The following GABBR2 variants were observed in gnomAD, a reference collection of about 807,000 sequenced individuals.
GABBR2 encodes G-protein coupled receptor 51.
A neutral mutation model predicts 105.6 loss-of-function variants in GABBR2; 23 were observed. The observed-to-expected ratio is 0.22, with a 90% CI of 0.16 to 0.31. GABBR2 has a LOEUF of 0.31. GABBR2 is among the 10% of genes least tolerant of loss of function. The pLI, the probability that GABBR2 is intolerant of heterozygous loss-of-function variation, is 1.00. For missense variants in GABBR2, 734 were observed against 1,245.5 expected (o/e 0.59, Z 6.18); for synonymous variants, 478 against 499.7 (o/e 0.96, Z 0.58).
intron 1 of GABBR2, among the ~76,000 whole-genome samples, chr9:98,598,569 A>G (rs920055152): frequency 2.7e-5 from 4 of 147,904 alleles, no homozygotes; most frequent in African/African-American, 9.9e-5. Context: ...AAAACTTCAC[A>G]TAGGAAAGAA....
At chr9:98,632,209 G>A (rs952398257) in intron 1 of GABBR2, among the ~76,000 whole-genome samples, 2 of 152,196 alleles carry the variant, frequency 1.3e-5, no homozygotes, top group African/African-American at 4.8e-5. Flanking sequence ...AAGGGTCACG[G>A]TGAGTTATAG....
intron 4 of GABBR2, among the ~76,000 whole-genome samples, chr9:98,487,196 G>A (rs576951030): frequency 1.3e-5 from 2 of 152,196 alleles, no homozygotes; most frequent in African/African-American, 4.8e-5. Context: ...CCTGGCCTGT[G>A]AGAAAGATGC....
Position 98,577,986 on chromosome 9 carries a change from T to C in GABBR2, c.408A>G (p.Pro136=). 6.2e-7 allele frequency: 1 copy of C among 1,614,056 alleles called. No homozygotes were observed. Among genetic ancestry groups the C allele is most frequent in the South Asian group, 1.1e-5 (1 of 91,072 alleles). Residue 136 remains proline, a synonymous_variant, in exon 2 of 19, where the codon CCA becomes CCG. Coordinates refer to ENST00000259455, the MANE Select transcript of GABBR2 (RefSeq NM_005458.8). ...ACTCTGCAATGATGGATGTGACGGA[T>C]GGACAGACGCCTCCAAACACCATCA... ...NHLMVFGGVC[P]SVTSIIAESL... is the part of the protein sequence containing the mutation.
chr9:98,665,850 G>A (rs922198835), intron 1 of GABBR2, among the ~76,000 whole-genome samples: 1 of 152,270 alleles, frequency 6.6e-6, no homozygotes, highest in Non-Finnish European at 1.5e-5. Context: ...GATGCGACCA[G>A]CCACTTGGAG....
intron 2 of GABBR2, among the ~76,000 whole-genome samples, chr9:98,566,786 G>T (rs1011744987): frequency 1.7e-4 from 19 of 108,938 alleles, no homozygotes; most frequent in African/African-American, 6.1e-4. Context: ...GGTCAAGGCT[G>T]CAAGACACTG....
chr9:98,543,135 TTTAA>T (rs1828336061), intron 2 of GABBR2, among the ~76,000 whole-genome samples: 1 of 152,104 alleles, frequency 6.6e-6, no homozygotes, highest in Non-Finnish European at 1.5e-5. Context: ...TAAGTTGGAT[TTTAA>T]TTGTCTGTTC....
At chr9:98,462,804 G>C (rs1826448882) in intron 6 of GABBR2, among the ~76,000 whole-genome samples, 1 of 152,160 alleles carries the variant, frequency 6.6e-6, no homozygotes, top group African/African-American at 2.4e-5. Context: ...CCCCAAGTAT[G>C]CACCCAATAG....
intron 3 of GABBR2, among the ~76,000 whole-genome samples, chr9:98,532,628 G>T (rs1184065826): frequency 1.3e-5 from 2 of 152,118 alleles, no homozygotes; most frequent in Non-Finnish European, 2.9e-5. Flanking sequence ...CCTGAAGGCT[G>T]CCCATTCCTT....
chr9:98,417,078 G>C (rs1404616515), intron 7 of GABBR2, among the ~76,000 whole-genome samples: 2 of 152,196 alleles, frequency 1.3e-5, no homozygotes, highest in African/African-American at 4.8e-5. Context: ...CCTCCTGCTG[G>C]ATGAAGCTTC....
chr9:98,372,353 C>A (rs2131464394), intron 11 of GABBR2, among the ~76,000 whole-genome samples: 1 of 152,336 alleles, frequency 6.6e-6, no homozygotes, highest in East Asian at 1.9e-4. Context: ...TCCAGGTGGG[C>A]CCCACATCAT....
rs10481694 is a variant in GABBR2, at chr9:98,668,350, T to A, written c.321+40067A>T. Among the ~76,000 whole-genome samples, 10 of 152,218 alleles carry A rather than the reference T, an allele frequency of 6.6e-5. No individual in the cohort carries two copies. In the South Asian group the frequency reaches 1.5e-3, roughly 22 times the overall value. On this transcript the variant is annotated intron_variant, in intron 1 of 18. Coordinates refer to ENST00000259455, the MANE Select transcript of GABBR2 (RefSeq NM_005458.8). ...CTTGGTATCATGCTTAGGCAAGCCCTGCAGCGTCCAATGGTTATATCAGTA... is the reference window on the plus strand; with the variant it reads ...CTTGGTATCATGCTTAGGCAAGCCCAGCAGCGTCCAATGGTTATATCAGTA...
At chr9:98,656,415 G>A (rs545209031) in intron 1 of GABBR2, among the ~76,000 whole-genome samples, 44 of 137,774 alleles carry the variant, frequency 3.2e-4, no homozygotes, top group African/African-American at 1.0e-3. Flanking sequence ...CCAGCCTTGT[G>A]TTGCTGTCTT....
chr9:98,316,310 C>T (rs1176742784), intron 13 of GABBR2, among the ~76,000 whole-genome samples: 3 of 152,164 alleles, frequency 2.0e-5, no homozygotes, highest in African/African-American at 7.2e-5. Flanking sequence ...CGCCACCACG[C>T]CCAGCTAATT....
intron 17 of GABBR2, among the ~76,000 whole-genome samples, chr9:98,297,068 T>C (rs1328853313): frequency 6.6e-6 from 1 of 152,144 alleles, no homozygotes; most frequent in Non-Finnish European, 1.5e-5. Flanking sequence ...TTTGTGTAGG[T>C]GTGAGTTTAG....
At chr9:98,405,965 CTTTCT>C (rs1259575368) in intron 8 of GABBR2, 111 bp downstream of exon 8, 71 of 699,518 alleles carry the variant, frequency 1.0e-4, no homozygotes, top group Non-Finnish European at 1.6e-4. Flanking sequence ...ATTGGCTCTG[CTTTCT>C]TTTATCTGGA....
rs773276862 is a variant in GABBR2 at position 98,299,260 on chromosome 9, C to A, written c.2506G>T (p.Asp836Tyr). The change falls in exon 17 of 19, where the codon GAC becomes TAC. Residue 836 changes from aspartate (D) to tyrosine (Y), a missense_variant. Transcript: ENST00000259455. ...GTGAAGTTTCCCAGGTTGAGGATGT[C>A]ATTGAGCTCTTGGTAGTGGTTCTGT... Reference protein sequence around the residue: ...IKQNHYQELNDILNLGNFTES... With the variant: ...IKQNHYQELNYILNLGNFTES... The A allele has an allele frequency of 3.1e-6, 5 of 1,614,112 alleles. No individual in the cohort carries two copies. The South Asian group carries it at 5.5e-5, about 18-fold the overall frequency.
chr9:98,501,863 AG>A (rs1295902934), intron 3 of GABBR2, among the ~76,000 whole-genome samples: 2 of 152,238 alleles, frequency 1.3e-5, no homozygotes, highest in Non-Finnish European at 2.9e-5. Context: ...TTTGAGGGAA[AG>A]CCAGCAGTGG....
At position 98,327,825 on chromosome 9, in the gene GABBR2, C is replaced by T. The variant is rs541542627; in HGVS notation, c.1894-16620G>A. 1.5e-4 allele frequency among the ~76,000 whole-genome samples: 22 copies of T among 151,262 alleles called. No individual in the cohort carries two copies. The East Asian group carries it at 2.4e-3, about 16-fold the overall frequency. On this transcript the variant is annotated intron_variant, in intron 13 of 18. Transcript: ENST00000259455. The stretch of plus-strand genomic sequence containing the variant: ...TGGAAGTTACAGTGAGTCAAGATTG[C>T]GCCACTGCACTCCAGCCTGGGTGAC...
intron 2 of GABBR2, among the ~76,000 whole-genome samples, chr9:98,562,881 G>A (rs547380380): frequency 2.9e-4 from 44 of 151,832 alleles, no homozygotes; most frequent in Admixed American, 1.2e-3. Flanking sequence ...ACCAGCCTGG[G>A]CAACATGACG....
Sources: gnomAD v4.1 joint callset for allele counts (sites outside exome capture counted in the v4.1 genomes callset) on GRCh38, gnomAD v4.1.1 for gene constraint, MANE v1.5 for transcripts, NCBI Gene and HGNC (gene_info 2026-07-23, HGNC 2026-07-21) for gene names.